SDK1: variants seen among roughly 807,000 people sequenced by gnomAD.
SDK1 encodes sidekick cell adhesion molecule 1, also known as protein sidekick-1.
Under a neutral mutation model 245.5 loss-of-function variants are expected in SDK1, and 157 were observed. That is an observed-to-expected ratio of 0.64 (90% CI 0.56 to 0.73). SDK1 has a LOEUF of 0.73. Among genes scored for constraint, SDK1 ranks in the 30% least tolerant of loss-of-function variants. The pLI, the probability that SDK1 is intolerant of heterozygous loss-of-function variation, is 0.00. For synonymous variants in SDK1, 1,647 were observed against 1,278.5 expected, an observed-to-expected ratio of 1.29 and a Z score of -6.15; for missense variants, 3,583 against 3,002.3, an observed-to-expected ratio of 1.19 and a Z score of -4.52.
intron 1 of SDK1, among the ~76,000 whole-genome samples, chr7:3,503,342 C>G (rs541837210): frequency 1.3e-5 from 2 of 152,232 alleles, no homozygotes; most frequent in South Asian, 4.1e-4. Flanking sequence ...ATGATTGAAT[C>G]TTGTCAGACA....
chr7:3,725,620 G>A (rs186839794), intron 4 of SDK1, among the ~76,000 whole-genome samples: 6 of 152,238 alleles, frequency 3.9e-5, no homozygotes, highest in Non-Finnish European at 7.4e-5. Context: ...TAGAGAGACA[G>A]GAGCCCCAAG....
At chr7:4,214,302 A>G (rs929481459) in intron 38 of SDK1, among the ~76,000 whole-genome samples, 1 of 152,168 alleles carries the variant, frequency 6.6e-6, no homozygotes, top group African/African-American at 2.4e-5. Flanking sequence ...TATATTCTAG[A>G]CAAACCGCTG....
intron 40 of SDK1, among the ~76,000 whole-genome samples, chr7:4,229,061 G>A (rs1785597804): frequency 6.6e-6 from 1 of 152,142 alleles, no homozygotes; most frequent in Admixed American, 6.5e-5. Flanking sequence ...GGAAAAATTG[G>A]TTGCATAAAT....
At chr7:3,415,242 T>C (rs1254588034) in intron 1 of SDK1, among the ~76,000 whole-genome samples, 1 of 152,186 alleles carries the variant, frequency 6.6e-6, no homozygotes, top group Non-Finnish European at 1.5e-5. Flanking sequence ...ACAAAAAATA[T>C]TTAAAATGAG....
intron 13 of SDK1, among the ~76,000 whole-genome samples, chr7:3,977,324 C>T (rs1278352567): frequency 2.2e-4 from 23 of 102,562 alleles, no homozygotes; most frequent in South Asian, 8.9e-4. Flanking sequence ...GGCTGCCACG[C>T]AGAGGGTCCT....
chr7:4,254,630 CT>C lies in SDK1; in HGVS notation c.6381+8840del, dbSNP rs745611023. Among the ~76,000 whole-genome samples, 1,089 of 132,588 alleles carry C rather than the reference CT, an allele frequency of 8.2e-3. 5 individuals are homozygous for C. The highest frequency in any genetic ancestry group is 0.013 in the African/African-American group (465 of 36,352). 87.0% of individuals were successfully genotyped at this position (132,588 alleles called of 152,430 possible). A position where few individuals can be genotyped will look rare whatever the true frequency, so the allele number is the denominator to read the frequency against. On this transcript the variant is annotated intron_variant, in intron 44 of 44. Coordinates refer to ENST00000404826, the MANE Select transcript of SDK1 (RefSeq NM_152744.4). ...TTTGGGCACCCTCAGAAGCTACCTTCTTTTTTTTTTTTTTTCCTGTGTATGC... is the reference window on the plus strand; with the variant it reads ...TTTGGGCACCCTCAGAAGCTACCTTCTTTTTTTTTTTTTTCCTGTGTATGC...
At chr7:3,491,670 C>G (rs562252069) in intron 1 of SDK1, among the ~76,000 whole-genome samples, 27 of 152,334 alleles carry the variant, frequency 1.8e-4, no homozygotes, top group Admixed American at 1.2e-3. Context: ...AGGCAGTACA[C>G]ACATTCTCAG....
intron 28 of SDK1, among the ~76,000 whole-genome samples, chr7:4,144,880 G>A (rs950862985): frequency 2.6e-5 from 4 of 152,124 alleles, no homozygotes; most frequent in Admixed American, 6.5e-5. Context: ...ACAGCGCCCC[G>A]TCATTTCTGG....
intron 1 of SDK1, among the ~76,000 whole-genome samples, chr7:3,445,230 G>A (rs1300902270): frequency 6.6e-6 from 1 of 152,080 alleles, no homozygotes; most frequent in Non-Finnish European, 1.5e-5. Context: ...TTTAACACTT[G>A]GGTTTCAGCT....
chr7:3,968,734 C>T (rs1782260257), intron 10 of SDK1, among the ~76,000 whole-genome samples: 1 of 152,328 alleles, frequency 6.6e-6, no homozygotes, highest in Middle Eastern at 3.4e-3. Context: ...TTATTCTAAA[C>T]AGTGCTAGCA....
chr7:4,134,231 C>CAGAA lies in SDK1; in HGVS notation c.4228+1809_4228+1812dup, dbSNP rs1778893900. Among the ~76,000 whole-genome samples, 3 of 152,214 alleles carry CAGAA rather than the reference C, an allele frequency of 2.0e-5. 1 individual carries two copies. In the South Asian group the frequency reaches 6.2e-4, roughly 32 times the overall value. The stretch of plus-strand genomic sequence containing the variant: ...TTATGTGATTTCTGGAGTTGCTAGA[C>CAGAA]AGAAGTGTTTGGCTTTGAGTACGGC... On this transcript the variant is annotated intron_variant, in intron 28 of 44. Coordinates refer to ENST00000404826, the MANE Select transcript of SDK1 (RefSeq NM_152744.4).
chr7:3,627,055 G>A (rs1026157332), intron 2 of SDK1, among the ~76,000 whole-genome samples: 10 of 151,908 alleles, frequency 6.6e-5, no homozygotes, highest in Non-Finnish European at 1.0e-4. Context: ...AGCTTCCCAC[G>A]TAGCTAGGGG....
intron 1 of SDK1, among the ~76,000 whole-genome samples, chr7:3,394,879 A>C (rs1257815678): frequency 6.6e-6 from 1 of 152,046 alleles, no homozygotes; most frequent in African/African-American, 2.4e-5. Flanking sequence ...GTGCTTTTTA[A>C]AAATTAGTTC....
intron 13 of SDK1, 170 bp downstream of exon 13, chr7:3,974,715 G>T: frequency 1.0e-5 from 6 of 575,832 alleles, no homozygotes; most frequent in South Asian, 8.5e-5. Flanking sequence ...GTTTTTTTGT[G>T]GTTTCTTTCA....
At chr7:3,679,254 TA>T (rs1784020480) in intron 4 of SDK1, among the ~76,000 whole-genome samples, 1 of 152,132 alleles carries the variant, frequency 6.6e-6, no homozygotes, top group African/African-American at 2.4e-5. Context: ...AATTCAATAG[TA>T]AAAATTCCTA....
At chr7:3,940,670 A>C (rs1228402023) in intron 5 of SDK1, among the ~76,000 whole-genome samples, 2 of 151,810 alleles carry the variant, frequency 1.3e-5, no homozygotes, top group East Asian at 3.9e-4. Context: ...AAAATACAAA[A>C]AATAGCCGGG....
At chr7:3,451,938 C>T (rs1044948525) in intron 1 of SDK1, among the ~76,000 whole-genome samples, 12 of 152,166 alleles carry the variant, frequency 7.9e-5, no homozygotes, top group African/African-American at 2.7e-4. Flanking sequence ...ACGCAGGCTT[C>T]TCTCCTTATG....
intron 13 of SDK1, among the ~76,000 whole-genome samples, chr7:3,980,263 C>A (rs973079566): frequency 6.6e-6 from 1 of 152,152 alleles, no homozygotes; most frequent in Admixed American, 6.6e-5. Context: ...TCACACACAC[C>A]TTGCTTCATC....
intron 4 of SDK1, among the ~76,000 whole-genome samples, chr7:3,793,028 A>G (rs2115025858): frequency 6.6e-6 from 1 of 152,344 alleles, no homozygotes; most frequent in African/African-American, 2.4e-5. Flanking sequence ...AGAATTGTGT[A>G]GGAGCTAATG....
Sources: allele counts gnomAD v4.1 joint callset (sites outside exome capture counted in the v4.1 genomes callset), GRCh38; gene constraint gnomAD v4.1.1; transcripts MANE v1.5; gene names NCBI Gene and HGNC (gene_info 2026-07-23, HGNC 2026-07-21).